The following DYNC1I1 variants were observed in gnomAD, a reference collection of about 807,000 sequenced individuals.
The protein encoded by DYNC1I1 is dynein cytoplasmic 1 intermediate chain 1, also known as cytoplasmic dynein 1 intermediate chain 1.
Under a neutral mutation model 86.6 loss-of-function variants are expected in DYNC1I1, and 43 were observed. That is an observed-to-expected ratio of 0.50 (90% CI 0.39 to 0.64). The LOEUF is 0.64. Among genes scored for constraint, DYNC1I1 ranks in the 30% least tolerant of loss-of-function variants. The pLI is 0.00. For missense variants in DYNC1I1, 604 were observed against 788.8 expected (o/e 0.77, Z 2.81); for synonymous variants, 262 against 283.7 (o/e 0.92, Z 0.77).
At chr7:95,847,513 T>C (rs1488381863) in intron 5 of DYNC1I1, among the ~76,000 whole-genome samples, 3 of 152,210 alleles carry the variant, frequency 2.0e-5, no homozygotes, top group Non-Finnish European at 4.4e-5. Context: ...CTATATTTTT[T>C]TACATAGTTT....
chr7:95,935,532 T>A (rs2188504), intron 6 of DYNC1I1, among the ~76,000 whole-genome samples: 120,757 of 151,916 alleles, frequency 0.79, 48,217 homozygotes, highest in East Asian at 0.93. Context: ...TTTATTTTTA[T>A]TTTTTTGAGG....
At chr7:96,080,114 G>A (rs987733218) in intron 15 of DYNC1I1, among the ~76,000 whole-genome samples, 4 of 151,976 alleles carry the variant, frequency 2.6e-5, no homozygotes, top group South Asian at 2.1e-4. Flanking sequence ...CTTACTGCCC[G>A]GTGACTATGT....
intron 1 of DYNC1I1, among the ~76,000 whole-genome samples, chr7:95,779,719 A>T (rs376144918): frequency 6.6e-6 from 1 of 152,234 alleles, no homozygotes; most frequent in African/African-American, 2.4e-5. Flanking sequence ...GACCTGAAAT[A>T]TTAGCCAGAA....
At chr7:95,906,086 C>T (rs1791169689) in intron 6 of DYNC1I1, among the ~76,000 whole-genome samples, 1 of 152,242 alleles carries the variant, frequency 6.6e-6, no homozygotes, top group East Asian at 1.9e-4. Flanking sequence ...AGAACAGTTT[C>T]AAGTTTTCTG....
At chr7:96,017,527 C>T (rs1794432795) in intron 10 of DYNC1I1, among the ~76,000 whole-genome samples, 1 of 152,122 alleles carries the variant, frequency 6.6e-6, no homozygotes, top group African/African-American at 2.4e-5. Flanking sequence ...AAATGCAAGC[C>T]ATCCTTTTAT....
At chr7:95,864,981 AAAGGGGG>A (rs1350389988) in intron 5 of DYNC1I1, among the ~76,000 whole-genome samples, 1 of 151,968 alleles carries the variant, frequency 6.6e-6, no homozygotes, top group African/African-American at 2.4e-5. Context: ...GGTTGTGGGG[AAAGGGGG>A]AAGGTGGACA....
Position 96,028,266 on chromosome 7 carries a change from G to A in DYNC1I1, c.1061G>A (p.Arg354His), listed in dbSNP as rs1180379367. The A allele has an allele frequency of 3.7e-6, 6 of 1,613,536 alleles. No homozygotes were observed. In the South Asian group the frequency reaches 4.4e-5, roughly 12 times the overall value. Residue 354 changes from arginine (R) to histidine (H), a missense_variant, in exon 11 of 17, where the codon CGC (arginine) becomes CAC (histidine). Physicochemically the swap from Arg to His is conservative, Grantham distance 29. Transcript: ENST00000447467. ...GGCCAGATTGTCCTCTGGGACAATC[G>A]CAGTCATCGAAGGACTCCAGTGCAG... ...YSGQIVLWDN[R>H]SHRRTPVQRT...
At chr7:96,057,317 A>G (rs1789606801) in intron 14 of DYNC1I1, among the ~76,000 whole-genome samples, 1 of 152,142 alleles carries the variant, frequency 6.6e-6, no homozygotes, top group African/African-American at 2.4e-5. Flanking sequence ...CTGAGTCCTA[A>G]TGAAGATTCC....
intron 5 of DYNC1I1, among the ~76,000 whole-genome samples, chr7:95,867,572 G>A (rs936996789): frequency 1.3e-5 from 2 of 152,186 alleles, no homozygotes; most frequent in African/African-American, 4.8e-5. Context: ...TCAGCCTCCT[G>A]TTGCCCAGCA....
intron 6 of DYNC1I1, among the ~76,000 whole-genome samples, chr7:95,872,782 A>C (rs1460978276): frequency 6.6e-6 from 1 of 152,170 alleles, no homozygotes; most frequent in Non-Finnish European, 1.5e-5. Flanking sequence ...TATTTGAAAC[A>C]CATAATTTTA....
intron 6 of DYNC1I1, among the ~76,000 whole-genome samples, chr7:95,937,966 A>T (rs147333174): frequency 6.6e-6 from 1 of 152,050 alleles, no homozygotes. Flanking sequence ...TCACACACAT[A>T]ATACCCTAAT....
chr7:95,849,175 TCTC>T (rs1316801472), intron 5 of DYNC1I1, among the ~76,000 whole-genome samples: 1 of 152,182 alleles, frequency 6.6e-6, no homozygotes, highest in African/African-American at 2.4e-5. Context: ...TTGTACATTG[TCTC>T]TTTATTCTGT....
chr7:95,887,801 G>GC (rs1196493455), intron 6 of DYNC1I1, among the ~76,000 whole-genome samples: 1 of 152,102 alleles, frequency 6.6e-6, no homozygotes, highest in African/African-American at 2.4e-5. Context: ...GAGCCTGCAA[G>GC]CCCCCCGGTA....
chr7:95,936,420 G>A (rs772023095), intron 6 of DYNC1I1, among the ~76,000 whole-genome samples: 21 of 151,886 alleles, frequency 1.4e-4, no homozygotes, highest in Non-Finnish European at 2.8e-4. Context: ...CCATAGACTG[G>A]GAAGTTGGCC....
chr7:96,080,937 G>A (rs1056630044), intron 16 of DYNC1I1, among the ~76,000 whole-genome samples: 4 of 151,904 alleles, frequency 2.6e-5, no homozygotes, highest in African/African-American at 9.7e-5. Context: ...GGGCATGGTG[G>A]CAGGCACCTG....
intron 14 of DYNC1I1, among the ~76,000 whole-genome samples, chr7:96,070,884 C>T (rs550026703): frequency 1.3e-5 from 2 of 152,282 alleles, no homozygotes; most frequent in African/African-American, 4.8e-5. Flanking sequence ...AATAGAAACT[C>T]ACCTCTTGTG....
chr7:95,841,806 CT>C, intron 5 of DYNC1I1, among the ~76,000 whole-genome samples: 1 of 152,136 alleles, frequency 6.6e-6, no homozygotes, highest in Non-Finnish European at 1.5e-5. Context: ...AAAGTCAGGG[CT>C]TTTGATGTGC....
At chr7:95,930,461 T>C (rs1348106874) in intron 6 of DYNC1I1, among the ~76,000 whole-genome samples, 2 of 152,220 alleles carry the variant, frequency 1.3e-5, no homozygotes, top group Non-Finnish European at 2.9e-5. Context: ...TGGGCAACTG[T>C]CTATGTACTG....
At chr7:96,005,742 C>T (rs980513173) in intron 10 of DYNC1I1, among the ~76,000 whole-genome samples, 2 of 152,156 alleles carry the variant, frequency 1.3e-5, no homozygotes, top group Non-Finnish European at 2.9e-5. Flanking sequence ...TGGAAGAACG[C>T]TCACTCAAGG....
Sources: allele counts gnomAD v4.1 joint callset (sites outside exome capture counted in the v4.1 genomes callset), GRCh38; gene constraint gnomAD v4.1.1; transcripts MANE v1.5; gene names NCBI Gene and HGNC (gene_info 2026-07-23, HGNC 2026-07-21).